Variants in NFIC observed in about 807,000 individuals in gnomAD.
NFIC encodes nuclear factor I C, also known as nuclear factor 1 C-type.
Under a neutral mutation model 54.4 loss-of-function variants are expected in NFIC, and 12 were observed. That is an observed-to-expected ratio of 0.22 (90% confidence interval 0.14 to 0.36). NFIC has a LOEUF of 0.36. Ranked by LOEUF, NFIC falls within the 10% of genes least tolerant of loss-of-function variation. NFIC has a pLI of 1.00. For missense variants in NFIC, 575 were observed against 718.2 expected (o/e 0.80, Z 2.28); for synonymous variants, 322 against 319.2 (o/e 1.01, Z -0.09).
chr19:3,453,664 C>T lies in NFIC; in HGVS notation c.1270-99C>T, dbSNP rs1270830013. 1.4e-6 allele frequency: 2 copies of T among 1,451,068 alleles called. No homozygotes were observed. Among genetic ancestry groups the T allele is most frequent in the Non-Finnish European group, 1.8e-6 (2 of 1,102,896 alleles). The allele number at this position is 1,451,068 out of a possible 1,614,324, so 89.9% of individuals were successfully genotyped here. A position where few individuals can be genotyped will look rare whatever the true frequency, so the allele number is the denominator to read the frequency against. On this transcript the variant is annotated intron_variant, in intron 8 of 10. Transcript: ENST00000443272. The surrounding 1 kb of genome is among the most constrained non-coding windows in gnomAD (Gnocchi z 6.7). ...GCGCCCTGGCCCCCCAGCCTGCCAC[C>T]CCGTCCGGGCCGTGCACAGAGCCGG...
At position 3,384,226 on chromosome 19, in the gene NFIC, TTA is replaced by T. The variant is rs377353204; in HGVS notation, c.562+1997_562+1998del. On this transcript the variant is annotated intron_variant, in intron 2 of 10. Transcript: ENST00000443272. ...CACACCACCACACCCAGCTAATATT[TTA>T]TATATATATATATTTTTTTGTAGAG... Among the ~76,000 whole-genome samples, 48 of 150,054 alleles carry T rather than the reference TTA, an allele frequency of 3.2e-4. 1 individual carries two copies. Among genetic ancestry groups the T allele is most frequent in the African/African-American group, 1.0e-3 (42 of 41,010 alleles).
intron 1 of NFIC, among the ~76,000 whole-genome samples, chr19:3,360,073 G>A (rs1223181038): frequency 6.8e-6 from 1 of 147,964 alleles, no homozygotes; most frequent in Non-Finnish European, 1.5e-5. Flanking sequence ...CGCGCAGTCC[G>A]TGGGGGAGCC....
Position 3,462,950 on chromosome 19 carries a change from A to G in NFIC, c.*181A>G, listed in dbSNP as rs532696815. 6 of 1,446,142 alleles carry G rather than the reference A, an allele frequency of 4.1e-6. No individual in the cohort carries two copies. The Admixed American group carries it at 1.7e-4, about 40-fold the overall frequency. 89.6% of individuals were successfully genotyped at this position (1,446,142 alleles called of 1,614,324 possible). On this transcript the variant is annotated 3_prime_UTR_variant, in exon 11 of 11. Transcript: ENST00000443272. ...CACACACTCAGGAGGAAAAGAAAAA[A>G]CAAAGGCAGAAGAAGAAGAAGAAGA... is the stretch of plus-strand genomic sequence containing the variant.
chr19:3,453,968 C>T lies in NFIC; in HGVS notation c.1423+52C>T. On this transcript the variant is annotated intron_variant, in intron 9 of 10. Transcript: ENST00000443272. The surrounding 1 kb of genome is among the most constrained non-coding windows in gnomAD (Gnocchi z 6.7). ...GTGGGGCGGATGTCCGCAGGGGGGC[C>T]TGTCCCCTCCCCAGCCCCACTGCCA... 6.9e-7 allele frequency: 1 copy of T among 1,451,618 alleles called. No individual in the cohort carries two copies. Among genetic ancestry groups the T allele is most frequent in the South Asian group, 1.4e-5 (1 of 70,430 alleles). 89.9% of individuals were successfully genotyped at this position (1,451,618 alleles called of 1,614,324 possible). A position where few individuals can be genotyped will look rare whatever the true frequency, so the allele number is the denominator to read the frequency against.
chr19:3,360,817 T>A (rs909732897), intron 1 of NFIC, among the ~76,000 whole-genome samples: 3 of 152,018 alleles, frequency 2.0e-5, no homozygotes, highest in African/African-American at 7.2e-5. Context: ...GACCGTGGGG[T>A]GTCCCCGTGT....
At chr19:3,376,580 A>C (rs1042945259) in intron 1 of NFIC, among the ~76,000 whole-genome samples, 2 of 152,112 alleles carry the variant, frequency 1.3e-5, no homozygotes, top group Non-Finnish European at 2.9e-5. Context: ...CTGCAAAAAT[A>C]AAAATTAGCC....
At chr19:3,420,874 C>T (rs1190167654) in intron 2 of NFIC, among the ~76,000 whole-genome samples, 1 of 152,116 alleles carries the variant, frequency 6.6e-6, no homozygotes, top group African/African-American at 2.4e-5. Flanking sequence ...AGGTGCCCAC[C>T]ACCACGCCCA....
rs2080992114 is a variant in NFIC, at chr19:3,370,719, CCTCTCTCTCTGTTCCTCCTCTTCTTT to C, written c.30+4066_30+4091del. ...CTGTCTCTTTCTTTCTCCCTCCCTTCCTCTCTCTCTGTTCCTCCTCTTCTTTCTCTCTCTCTGTCTCTCTGAGCTGG... is the reference window on the plus strand; with the variant it reads ...CTGTCTCTTTCTTTCTCCCTCCCTTCCTCTCTCTCTGTCTCTCTGAGCTGG... On this transcript the variant is annotated intron_variant, in intron 1 of 10. Transcript: ENST00000443272. This position sits in a 1 kb window ranked among gnomAD's most constrained non-coding sequence, Gnocchi z 5.2. 6.6e-6 allele frequency among the ~76,000 whole-genome samples: 1 copy of C among 151,216 alleles called. No individual in the cohort carries two copies. Among genetic ancestry groups the C allele is most frequent in the African/African-American group, 2.4e-5 (1 of 40,932 alleles).
Position 3,463,357 on chromosome 19 carries a change from C to A in NFIC, c.*588C>A. On this transcript the variant is annotated 3_prime_UTR_variant, in exon 11 of 11. Transcript: ENST00000443272. ...TGGGGGGAAAGGGAGACACAGCGGACCCCGGCCGGGCAGCGGAGACCGCAG... is the reference window on the plus strand; with the variant it reads ...TGGGGGGAAAGGGAGACACAGCGGAACCCGGCCGGGCAGCGGAGACCGCAG... 1 of 986,348 alleles carries A rather than the reference C, an allele frequency of 1.0e-6. No homozygotes were observed. Among genetic ancestry groups the A allele is most frequent in the Non-Finnish European group, 1.2e-6 (1 of 830,668 alleles). The allele number at this position is 986,348 out of a possible 1,614,324, so 61.1% of individuals were successfully genotyped here. A position where few individuals can be genotyped will look rare whatever the true frequency, so the allele number is the denominator to read the frequency against.
chr19:3,449,247 G>A (rs1286164375), intron 7 of NFIC, 108 bp downstream of exon 7: 3 of 1,456,108 alleles, frequency 2.1e-6, no homozygotes, highest in African/African-American at 2.9e-5. Context: ...TATTGCTGTA[G>A]CCTTCTAGGT....
rs762320708 is a variant in NFIC, at chr19:3,452,462, G to A, written c.1085-20G>A. ...CGGCTGGAGCCCCCAAGTAACCCCC[G>A]CTTCCCACTGTCTCCGCAGGGATCG... is the stretch of plus-strand genomic sequence containing the variant. On this transcript the variant is annotated intron_variant, in intron 7 of 10. Transcript: ENST00000443272. The surrounding 1 kb of genome is among the most constrained non-coding windows in gnomAD (Gnocchi z 5.3). 11 of 1,608,314 alleles carry A rather than the reference G, an allele frequency of 6.8e-6. No homozygotes were observed. In the East Asian group the frequency reaches 2.0e-4, roughly 29 times the overall value.
chr19:3,442,778 C>G (rs113085396), intron 6 of NFIC, among the ~76,000 whole-genome samples: 4 of 152,328 alleles, frequency 2.6e-5, no homozygotes, highest in South Asian at 2.1e-4. Context: ...CTCCACCCCC[C>G]CTTGGCTCTA....
At chr19:3,387,338 C>A (rs1337736248) in intron 2 of NFIC, among the ~76,000 whole-genome samples, 1 of 152,088 alleles carries the variant, frequency 6.6e-6, no homozygotes, top group Non-Finnish European at 1.5e-5. Context: ...CCCATCTCTA[C>A]TAAAAATACA....
chr19:3,421,612 G>A (rs7246208), intron 2 of NFIC, among the ~76,000 whole-genome samples: 14,806 of 152,214 alleles, frequency 0.097, 1,066 homozygotes, highest in African/African-American at 0.2. Flanking sequence ...CTGAGGCACC[G>A]GGCCCTGCTC....
intron 2 of NFIC, among the ~76,000 whole-genome samples, chr19:3,388,881 T>C (rs953887875): frequency 6.6e-6 from 1 of 151,692 alleles, no homozygotes; most frequent in Non-Finnish European, 1.5e-5. Flanking sequence ...GGCTCACACA[T>C]GTAATCCCAG....
At chr19:3,371,919 CCTTCCTTCCTTCCTTCCT>C (rs1568400038) in intron 1 of NFIC, among the ~76,000 whole-genome samples, 19 of 133,518 alleles carry the variant, frequency 1.4e-4, no homozygotes, top group African/African-American at 5.1e-4. Flanking sequence ...TTCCTTCCTT[CCTTCCTTCCTTCCTTCCT>C]TCCCTCCCTC....
chr19:3,447,400 T>A (rs1157099439), intron 6 of NFIC, among the ~76,000 whole-genome samples: 1 of 151,438 alleles, frequency 6.6e-6, no homozygotes, highest in Non-Finnish European at 1.5e-5. Flanking sequence ...AAAATGGCCC[T>A]CTTTGGGGCT....
chr19:3,409,821 A>C (rs1014390607), intron 2 of NFIC, among the ~76,000 whole-genome samples: 4 of 152,222 alleles, frequency 2.6e-5, no homozygotes, highest in Non-Finnish European at 5.9e-5. Flanking sequence ...CAAAGGCTAC[A>C]GGGTCCAGTG....
At chr19:3,386,254 G>A (rs1275213955) in intron 2 of NFIC, among the ~76,000 whole-genome samples, 1 of 150,786 alleles carries the variant, frequency 6.6e-6, no homozygotes, top group South Asian at 2.1e-4. Flanking sequence ...CACCTGCCTG[G>A]CTGAAAATTC....
Sources: gnomAD v4.1 joint callset for allele counts (sites outside exome capture counted in the v4.1 genomes callset) on GRCh38, gnomAD v4.1.1 for gene constraint, Gnocchi (gnomAD v3.1) non-coding constraint, MANE v1.5 for transcripts, NCBI Gene and HGNC (gene_info 2026-07-23, HGNC 2026-07-21) for gene names.